The following ST6GALNAC5 variants were observed in gnomAD, a reference collection of about 807,000 sequenced individuals.
The protein encoded by ST6GALNAC5 is alpha-N-acetylgalactosaminide alpha-2,6-sialyltransferase 5.
In ST6GALNAC5, 27 loss-of-function variants were observed where a neutral mutation model predicts 33.6. That is an observed-to-expected ratio of 0.80 (90% CI 0.59 to 1.11). ST6GALNAC5 has a LOEUF of 1.11. ST6GALNAC5 is among the 50% of genes least tolerant of loss of function. The pLI is 0.00. For missense variants in ST6GALNAC5, 428 were observed against 454.0 expected, an observed-to-expected ratio of 0.94 and a Z score of 0.52; for synonymous variants, 194 against 171.2, an observed-to-expected ratio of 1.13 and a Z score of -1.04.
intron 2 of ST6GALNAC5, among the ~76,000 whole-genome samples, chr1:76,962,235 A>T (rs1022014618): frequency 6.6e-6 from 1 of 152,214 alleles, no homozygotes; most frequent in Non-Finnish European, 1.5e-5. Flanking sequence ...ATTCAGAGCT[A>T]CTTGCTGGTT....
intron 2 of ST6GALNAC5, among the ~76,000 whole-genome samples, chr1:76,956,271 G>A (rs757198330): frequency 6.7e-6 from 1 of 148,438 alleles, no homozygotes; most frequent in Non-Finnish European, 1.5e-5. Context: ...TGAGGCCCAA[G>A]ATCCAGAAAA....
At chr1:76,965,783 T>C (rs1334922029) in intron 2 of ST6GALNAC5, among the ~76,000 whole-genome samples, 1 of 152,238 alleles carries the variant, frequency 6.6e-6, no homozygotes, top group East Asian at 1.9e-4. Flanking sequence ...TTAATTTTTG[T>C]ATAAGGTGTA....
At chr1:77,032,939 A>C (rs1651512644) in intron 2 of ST6GALNAC5, among the ~76,000 whole-genome samples, 1 of 152,198 alleles carries the variant, frequency 6.6e-6, no homozygotes. Context: ...CAGAGAAGCC[A>C]GTTTTGTGGA....
intron 2 of ST6GALNAC5, among the ~76,000 whole-genome samples, chr1:76,966,929 G>T (rs1476176818): frequency 6.6e-6 from 1 of 152,212 alleles, no homozygotes; most frequent in Non-Finnish European, 1.5e-5. Context: ...AACCAGCCTT[G>T]CATCCCAGGG....
chr1:76,950,879 T>C (rs1471107224), intron 2 of ST6GALNAC5, among the ~76,000 whole-genome samples: 1 of 152,056 alleles, frequency 6.6e-6, no homozygotes, highest in Non-Finnish European at 1.5e-5. Flanking sequence ...AACCAAGGGA[T>C]AGCAAGTGTA....
intron 2 of ST6GALNAC5, among the ~76,000 whole-genome samples, chr1:77,038,821 A>G (rs905402547): frequency 6.6e-6 from 1 of 152,160 alleles, no homozygotes; most frequent in East Asian, 1.9e-4. Context: ...GAAAGTTGTC[A>G]TGCTTCGCTA....
intron 2 of ST6GALNAC5, among the ~76,000 whole-genome samples, chr1:76,961,570 C>A (rs1213187378): frequency 1.3e-5 from 2 of 152,212 alleles, no homozygotes; most frequent in East Asian, 3.9e-4. Flanking sequence ...TCCCTTGCTG[C>A]CTGTGCACCA....
chr1:76,994,860 C>T (rs936135249), intron 2 of ST6GALNAC5, among the ~76,000 whole-genome samples: 1 of 152,176 alleles, frequency 6.6e-6, no homozygotes, highest in African/African-American at 2.4e-5. Context: ...GAATTATGGG[C>T]TTATGACAAG....
intron 2 of ST6GALNAC5, among the ~76,000 whole-genome samples, chr1:76,875,563 G>A (rs1333261189): frequency 6.6e-6 from 1 of 152,112 alleles, no homozygotes; most frequent in Non-Finnish European, 1.5e-5. Context: ...TCAGTTTAAT[G>A]GAATCATTGT....
At chr1:76,962,090 AT>A (rs1448791172) in intron 2 of ST6GALNAC5, among the ~76,000 whole-genome samples, 2 of 152,244 alleles carry the variant, frequency 1.3e-5, no homozygotes, top group African/African-American at 2.4e-5. Context: ...CAGTTGGCTG[AT>A]TTTTTTTAAG....
intron 2 of ST6GALNAC5, among the ~76,000 whole-genome samples, chr1:76,894,055 G>A (rs1318386738): frequency 6.6e-6 from 1 of 152,196 alleles, no homozygotes; most frequent in Non-Finnish European, 1.5e-5. Flanking sequence ...CAGGTGGTAG[G>A]CTTCTAGATT....
At chr1:77,011,586 T>C (rs1173066972) in intron 2 of ST6GALNAC5, among the ~76,000 whole-genome samples, 5 of 152,226 alleles carry the variant, frequency 3.3e-5, no homozygotes, top group Non-Finnish European at 7.3e-5. Flanking sequence ...TTGTTTTATT[T>C]TTATTTTATC....
intron 2 of ST6GALNAC5, among the ~76,000 whole-genome samples, chr1:76,928,947 A>AAGTG (rs1397833658): frequency 6.6e-6 from 1 of 152,160 alleles, no homozygotes; most frequent in African/African-American, 2.4e-5. Context: ...GGATTCAATT[A>AAGTG]AGTGAGCCCA....
intron 2 of ST6GALNAC5, among the ~76,000 whole-genome samples, chr1:76,984,651 C>T (rs1384516837): frequency 1.3e-5 from 2 of 152,270 alleles, no homozygotes; most frequent in African/African-American, 2.4e-5. Context: ...GGGAATCCTC[C>T]CTAACTCATT....
chr1:77,006,890 A>G (rs775892599), intron 2 of ST6GALNAC5, among the ~76,000 whole-genome samples: 3 of 152,172 alleles, frequency 2.0e-5, no homozygotes, highest in Non-Finnish European at 4.4e-5. Context: ...GGCCTCAGTC[A>G]TATATCCAGT....
In ST6GALNAC5 at chr1:77,050,284, C is replaced by A; in HGVS notation, c.698C>A (p.Thr233Asn). The A allele has an allele frequency of 4.3e-6, 7 of 1,614,108 alleles. No individual in the cohort carries two copies. The highest frequency in any genetic ancestry group is 5.9e-6 in the Non-Finnish European group (7 of 1,179,940). ...AAGATATCCAACACTTGGCTCAGCA[C>A]TGGCTGGTTTACAATGACAATTGCA... ...DRKISNTWLS[T>N]GWFTMTIALE... The change falls in exon 4 of 5, where the codon ACT becomes AAT. Residue 233 changes from threonine to asparagine, a missense_variant. Transcript: ENST00000477717.
intron 2 of ST6GALNAC5, among the ~76,000 whole-genome samples, chr1:77,033,293 C>T (rs1651527861): frequency 6.6e-6 from 1 of 152,244 alleles, no homozygotes; most frequent in Admixed American, 6.5e-5. Flanking sequence ...ATTTCTTGAA[C>T]ACCTACTGTA....
At chr1:76,955,757 C>T (rs976665392) in intron 2 of ST6GALNAC5, among the ~76,000 whole-genome samples, 5 of 152,194 alleles carry the variant, frequency 3.3e-5, no homozygotes, top group East Asian at 3.9e-4. Context: ...ATTCACTAAA[C>T]TCAATCTGAG....
intron 2 of ST6GALNAC5, among the ~76,000 whole-genome samples, chr1:77,015,969 G>A (rs987411554): frequency 4.6e-5 from 7 of 151,884 alleles, no homozygotes; most frequent in Non-Finnish European, 1.0e-4. Flanking sequence ...TCTGATCCCA[G>A]CATCCTGAAA....
Sources: gnomAD v4.1 joint callset for allele counts (sites outside exome capture counted in the v4.1 genomes callset) on GRCh38, gnomAD v4.1.1 for gene constraint, MANE v1.5 for transcripts, NCBI Gene and HGNC (gene_info 2026-07-23, HGNC 2026-07-21) for gene names.